Variants in STT3B observed in about 807,000 individuals in gnomAD.
The protein encoded by STT3B is STT3 oligosaccharyltransferase complex catalytic subunit B.
A neutral mutation model predicts 96.8 loss-of-function variants in STT3B; 29 were observed. The observed-to-expected ratio is 0.30, with a 90% CI of 0.22 to 0.41. The LOEUF is 0.41. STT3B is among the 10% of genes least tolerant of loss of function. The probability of loss-of-function intolerance (pLI) is 1.00; values close to 1 mark genes in which losing one functional copy is unlikely to be tolerated. For synonymous variants in STT3B, 367 were observed against 360.0 expected, an observed-to-expected ratio of 1.02 and a Z score of -0.22; for missense variants, 640 against 1,022.3, an observed-to-expected ratio of 0.63 and a Z score of 5.10.
intron 1 of STT3B, among the ~76,000 whole-genome samples, chr3:31,542,959 G>A (rs536750443): frequency 6.6e-6 from 1 of 151,472 alleles, no homozygotes; most frequent in Non-Finnish European, 1.5e-5. Context: ...CCAGCTGCTC[G>A]AGAGGCTGGG....
intron 7 of STT3B, 112 bp downstream of exon 7, chr3:31,617,187 T>A (rs1473924845): frequency 5.5e-6 from 2 of 361,840 alleles, no homozygotes; most frequent in Non-Finnish European, 7.3e-6. Context: ...GATTTTTTTC[T>A]TTTTTTTTTT....
chr3:31,562,835 A>G (rs937485557), intron 1 of STT3B, among the ~76,000 whole-genome samples: 1 of 152,154 alleles, frequency 6.6e-6, no homozygotes, highest in Non-Finnish European at 1.5e-5. Flanking sequence ...TGTTCTCAAA[A>G]TGGCACCATG....
intron 1 of STT3B, among the ~76,000 whole-genome samples, chr3:31,541,376 C>T (rs1205533211): frequency 6.6e-6 from 1 of 151,662 alleles, no homozygotes; most frequent in African/African-American, 2.4e-5. Flanking sequence ...GTGGTAAACT[C>T]TGTGTGCATT....
chr3:31,545,908 C>T (rs1229214667), intron 1 of STT3B, among the ~76,000 whole-genome samples: 1 of 151,468 alleles, frequency 6.6e-6, no homozygotes, highest in Non-Finnish European at 1.5e-5. Context: ...CCAGGGAAGC[C>T]GAAAGATTGG....
chr3:31,589,291 T>G (rs1698614077), intron 3 of STT3B, among the ~76,000 whole-genome samples: 1 of 152,102 alleles, frequency 6.6e-6, no homozygotes, highest in Non-Finnish European at 1.5e-5. Flanking sequence ...TGTATTAACC[T>G]TGTATCCTCC....
chr3:31,598,492 A>G (rs1247872854), intron 4 of STT3B, among the ~76,000 whole-genome samples: 1 of 152,202 alleles, frequency 6.6e-6, no homozygotes, highest in African/African-American at 2.4e-5. Flanking sequence ...AAAAAGCTGT[A>G]GAAAGACTGT....
intron 3 of STT3B, among the ~76,000 whole-genome samples, chr3:31,593,560 T>C (rs1358887969): frequency 6.6e-6 from 1 of 152,108 alleles, no homozygotes; most frequent in Non-Finnish European, 1.5e-5. Flanking sequence ...CTCTCCTTTT[T>C]TGAACTTTGT....
chr3:31,574,670 T>C (rs924936672), intron 1 of STT3B, among the ~76,000 whole-genome samples: 5 of 152,132 alleles, frequency 3.3e-5, no homozygotes, highest in African/African-American at 4.8e-5. Context: ...CACAAAGTTA[T>C]TACTTAAAAT....
chr3:31,543,658 T>C (rs1260879843), intron 1 of STT3B, among the ~76,000 whole-genome samples: 3 of 152,230 alleles, frequency 2.0e-5, no homozygotes, highest in Non-Finnish European at 4.4e-5. Context: ...ACACATGTCA[T>C]ATTATTCTTT....
At chr3:31,596,886 A>T in intron 4 of STT3B, 23 bp downstream of exon 4, 3 of 1,559,760 alleles carry the variant, frequency 1.9e-6, no homozygotes, top group Non-Finnish European at 2.6e-6. Flanking sequence ...ATTTGAGACT[A>T]CATGAAGTCT....
intron 1 of STT3B, among the ~76,000 whole-genome samples, chr3:31,550,650 A>G (rs1259778495): frequency 6.6e-6 from 1 of 152,198 alleles, no homozygotes; most frequent in African/African-American, 2.4e-5. Flanking sequence ...TTATGTAATC[A>G]TATTAGGCTT....
At chr3:31,571,330 A>G (rs1422932865) in intron 1 of STT3B, among the ~76,000 whole-genome samples, 1 of 151,656 alleles carries the variant, frequency 6.6e-6, no homozygotes, top group East Asian at 1.9e-4. Context: ...GAAGCAAATA[A>G]GCCAGTTATG....
At position 31,532,948 on chromosome 3, in the gene STT3B, C is replaced by G. The variant is rs1299257354; in HGVS notation, c.-51C>G. On this transcript the variant is annotated 5_prime_UTR_variant, in exon 1 of 16. Transcript: ENST00000295770. ...GGGTCCCCGCCCAGCACCCCTCGCA[C>G]CAGGCGGCGGCGGCGGAGGAGGAGA... The G allele has an allele frequency of 7.1e-6, 11 of 1,546,492 alleles. No individual in the cohort carries two copies. The highest frequency in any genetic ancestry group is 1.4e-5 in the African/African-American group (1 of 70,200).
intron 3 of STT3B, among the ~76,000 whole-genome samples, chr3:31,587,575 A>G (rs967516927): frequency 1.3e-4 from 19 of 151,990 alleles, no homozygotes; most frequent in African/African-American, 2.7e-4. Context: ...AGGTTTGTCT[A>G]TGTTGAAGTA....
intron 6 of STT3B, among the ~76,000 whole-genome samples, chr3:31,616,222 C>CGA: frequency 6.6e-6 from 1 of 151,926 alleles, no homozygotes; most frequent in East Asian, 1.9e-4. Flanking sequence ...CCTATTTGTT[C>CGA]ATATTCTTCT....
intron 4 of STT3B, among the ~76,000 whole-genome samples, 196 bp downstream of exon 4, chr3:31,597,059 A>ATT (rs1698809381): frequency 1.3e-5 from 2 of 152,132 alleles, no homozygotes; most frequent in South Asian, 4.2e-4. Flanking sequence ...AACCCCTCAA[A>ATT]TATTTGCAGC....
Position 31,617,882 on chromosome 3 carries a change from A to C in STT3B, c.1124-58A>C, listed in dbSNP as rs925224617. The C allele has an allele frequency of 5.0e-6, 6 of 1,188,904 alleles. No homozygotes were observed. The African/African-American group carries it at 7.6e-5, about 15-fold the overall frequency. 73.6% of individuals were successfully genotyped at this position (1,188,904 alleles called of 1,614,324 possible). On this transcript the variant is annotated intron_variant, in intron 7 of 15. Coordinates refer to ENST00000295770, the MANE Select transcript of STT3B (RefSeq NM_178862.3). Reference sequence around the variant, plus strand: ...ATTAGCAATAAACATAAAGGCAATAAAAGATTTACAAAATAATAAAAAGGC... The same window carrying C: ...ATTAGCAATAAACATAAAGGCAATACAAGATTTACAAAATAATAAAAAGGC...
Position 31,624,791 on chromosome 3 carries a change from T to C in STT3B, c.1728-123T>C, listed in dbSNP as rs111989524. 10 of 702,906 alleles carry C rather than the reference T, an allele frequency of 1.4e-5. No individual in the cohort carries two copies. The African/African-American group carries it at 1.8e-4, about 12-fold the overall frequency. 43.5% of individuals were successfully genotyped at this position (702,906 alleles called of 1,614,324 possible). A position where few individuals can be genotyped will look rare whatever the true frequency, so the allele number is the denominator to read the frequency against. On this transcript the variant is annotated intron_variant, in intron 11 of 15. Transcript: ENST00000295770. ...TTTTTTTTTCTCATTGGTAGAGGCT[T>C]TTACTTAATAACTACCATCCTTAAA...
At chr3:31,630,365 C>T (rs1336931230) in intron 14 of STT3B, among the ~76,000 whole-genome samples, 2 of 152,206 alleles carry the variant, frequency 1.3e-5, no homozygotes, top group African/African-American at 4.8e-5. Context: ...ACTAGTTTCT[C>T]CCATATATGT....
Sources: gnomAD v4.1 joint callset for allele counts (sites outside exome capture counted in the v4.1 genomes callset) on GRCh38, gnomAD v4.1.1 for gene constraint, MANE v1.5 for transcripts, NCBI Gene and HGNC (gene_info 2026-07-23, HGNC 2026-07-21) for gene names.